The following GAS7 variants were observed in gnomAD, a reference collection of about 807,000 sequenced individuals.
GAS7 encodes the protein growth arrest-specific protein 7.
GAS7 carries 28 observed loss-of-function variants against 71.1 expected under a neutral mutation model. The observed-to-expected ratio is 0.39, with a 90% CI of 0.29 to 0.54. The LOEUF (loss-of-function observed/expected upper bound fraction) is 0.54. Ranked by LOEUF, GAS7 falls within the 20% of genes least tolerant of loss-of-function variation. The pLI, the probability that GAS7 is intolerant of heterozygous loss-of-function variation, is 0.62. For missense variants in GAS7, 436 were observed against 627.8 expected, an observed-to-expected ratio of 0.69 and a Z score of 3.27; for synonymous variants, 258 against 245.8, an observed-to-expected ratio of 1.05 and a Z score of -0.46.
intron 2 of GAS7, among the ~76,000 whole-genome samples, chr17:10,000,602 T>A (rs1040274293): frequency 2.0e-5 from 3 of 152,278 alleles, no homozygotes; most frequent in Non-Finnish European, 4.4e-5. Context: ...TCCCAGATAC[T>A]CAGGTCGTCA....
At chr17:10,076,490 G>GA (rs140689424) in intron 1 of GAS7, among the ~76,000 whole-genome samples, 1 of 148,908 alleles carries the variant, frequency 6.7e-6, no homozygotes, top group African/African-American at 2.5e-5. Context: ...GAAAGGAAAA[G>GA]AAAAAAAAAG....
At chr17:10,090,270 C>T (rs1439412197) in intron 1 of GAS7, among the ~76,000 whole-genome samples, 1 of 151,832 alleles carries the variant, frequency 6.6e-6, no homozygotes, top group East Asian at 1.9e-4. Context: ...TTGGTTTTAA[C>T]GATGGACATT....
intron 1 of GAS7, among the ~76,000 whole-genome samples, chr17:10,053,311 C>A (rs1284420140): frequency 6.6e-6 from 1 of 152,162 alleles, no homozygotes; most frequent in East Asian, 1.9e-4. Flanking sequence ...TCTTGGCTCA[C>A]GTGCACTGCC....
At chr17:10,105,031 C>G (rs991153894) in intron 1 of GAS7, among the ~76,000 whole-genome samples, 3 of 152,238 alleles carry the variant, frequency 2.0e-5, no homozygotes, top group Non-Finnish European at 2.9e-5. Flanking sequence ...ACTACCTCAC[C>G]TTACACTGTT....
At chr17:10,138,335 T>C (rs747288511) in intron 1 of GAS7, among the ~76,000 whole-genome samples, 2 of 152,292 alleles carry the variant, frequency 1.3e-5, no homozygotes, top group Middle Eastern at 3.4e-3. Flanking sequence ...ATGATTATCC[T>C]TCCAACTCCC....
intron 9 of GAS7, among the ~76,000 whole-genome samples, chr17:9,929,240 C>T (rs922326358): frequency 4.6e-5 from 7 of 152,148 alleles, no homozygotes; most frequent in African/African-American, 1.7e-4. Context: ...GACTTTCAGG[C>T]TTTAATACGC....
intron 1 of GAS7, among the ~76,000 whole-genome samples, chr17:10,121,113 G>A (rs1260318716): frequency 2.0e-5 from 3 of 152,348 alleles, no homozygotes; most frequent in East Asian, 3.9e-4. Flanking sequence ...AGGAACTGTG[G>A]CTCTCGCCTG....
chr17:9,975,743 C>T (rs7217681), intron 3 of GAS7, among the ~76,000 whole-genome samples: 31,160 of 152,140 alleles, frequency 0.2, 3,442 homozygotes, highest in Middle Eastern at 0.3. Context: ...AGTTTATTTA[C>T]AGTAGGCCTT....
At chr17:10,135,176 A>C (rs867841920) in intron 1 of GAS7, among the ~76,000 whole-genome samples, 68 of 152,300 alleles carry the variant, frequency 4.5e-4, no homozygotes, top group African/African-American at 1.5e-3. Flanking sequence ...CAGTTTACAC[A>C]GAAATTTCTA....
At chr17:9,947,034 G>C in intron 5 of GAS7, 51 bp from the exon 6 acceptor site, 1 of 1,309,520 alleles carries the variant, frequency 7.6e-7, no homozygotes, top group Non-Finnish European at 1.1e-6. Context: ...CTGGAATAGC[G>C]AGGAAGGCTT....
chr17:10,071,950 A>G (rs1292148081), intron 1 of GAS7, among the ~76,000 whole-genome samples: 1 of 136,114 alleles, frequency 7.3e-6, no homozygotes, highest in East Asian at 1.9e-4. Flanking sequence ...AAAAAAAAAA[A>G]AAAGAAAAGA....
intron 1 of GAS7, among the ~76,000 whole-genome samples, chr17:10,044,607 AT>A (rs1033946313): frequency 1.3e-5 from 2 of 152,176 alleles, no homozygotes; most frequent in Non-Finnish European, 2.9e-5. Context: ...CATTTTCTAA[AT>A]TTTTTTGGTA....
In GAS7 at chr17:9,916,219, T is replaced by G; in HGVS notation, c.*1009A>C. 1 of 233,064 alleles carries G rather than the reference T, an allele frequency of 4.3e-6. No individual in the cohort carries two copies. Among genetic ancestry groups the G allele is most frequent in the East Asian group, 6.0e-5 (1 of 16,538 alleles). 14.4% of individuals were successfully genotyped at this position (233,064 alleles called of 1,614,324 possible). Reference sequence around the variant, plus strand: ...GATGGCAAAGACTTGCCCTAACCCATCTCACATGTAGGACTGACCCGGCCC... The same window carrying G: ...GATGGCAAAGACTTGCCCTAACCCAGCTCACATGTAGGACTGACCCGGCCC... On this transcript the variant is annotated 3_prime_UTR_variant, in exon 14 of 14. Coordinates refer to ENST00000432992, the MANE Select transcript of GAS7 (RefSeq NM_201433.2).
intron 8 of GAS7, among the ~76,000 whole-genome samples, chr17:9,936,042 G>A (rs768336783): frequency 2.0e-5 from 3 of 152,194 alleles, no homozygotes; most frequent in Non-Finnish European, 2.9e-5. Context: ...GTTTCCATGG[G>A]GGAAACAGAT....
intron 1 of GAS7, among the ~76,000 whole-genome samples, chr17:10,088,542 GT>G (rs2073546894): frequency 6.6e-6 from 1 of 152,170 alleles, no homozygotes; most frequent in African/African-American, 2.4e-5. Context: ...AGGAGGGGCA[GT>G]TCCACGCAGC....
At chr17:10,099,378 A>G (rs2073676490) in intron 1 of GAS7, among the ~76,000 whole-genome samples, 1 of 152,190 alleles carries the variant, frequency 6.6e-6, no homozygotes, top group Admixed American at 6.5e-5. Context: ...GCAGCAGGGT[A>G]CAACCAGAGC....
At chr17:9,925,388 T>C in intron 11 of GAS7, 88 bp downstream of exon 11, 1 of 1,363,106 alleles carries the variant, frequency 7.3e-7, no homozygotes, top group Non-Finnish European at 1.0e-6. Context: ...AAAGGAGAGA[T>C]GCACCCTCGC....
intron 6 of GAS7, among the ~76,000 whole-genome samples, chr17:9,944,302 C>T (rs1018409562): frequency 1.3e-5 from 2 of 152,142 alleles, no homozygotes; most frequent in African/African-American, 4.8e-5. Context: ...CAGGGTCAAA[C>T]ACTTTGATAC....
At chr17:10,137,009 G>C (rs947719111) in intron 1 of GAS7, among the ~76,000 whole-genome samples, 1 of 152,132 alleles carries the variant, frequency 6.6e-6, no homozygotes, top group Non-Finnish European at 1.5e-5. Flanking sequence ...AGCTACCCAG[G>C]AGGCTGAGGT....
Sources: allele counts gnomAD v4.1 joint callset (sites outside exome capture counted in the v4.1 genomes callset), GRCh38; gene constraint gnomAD v4.1.1; transcripts MANE v1.5; gene names NCBI Gene and HGNC (gene_info 2026-07-23, HGNC 2026-07-21).